ZNF324B: variants seen among roughly 807,000 people sequenced by gnomAD.
The protein encoded by ZNF324B is zinc finger protein 324B.
In ZNF324B, 7 loss-of-function variants were observed where a neutral mutation model predicts 10.6. The observed-to-expected ratio is 0.66, with a 90% CI of 0.38 to 1.24. ZNF324B has a LOEUF of 1.24. Ranked by LOEUF, ZNF324B falls within the 50% of genes most tolerant of loss-of-function variation. ZNF324B has a pLI of 0.02. For missense variants in ZNF324B, 640 were observed against 764.7 expected (o/e 0.84, Z 1.92); for synonymous variants, 316 against 321.0 (o/e 0.98, Z 0.17).
the ZNF324B span, chr19:58,436,921 C>G: frequency 7.7e-7 from 1 of 1,305,484 alleles, no homozygotes. Flanking sequence ...AGCACCCCAG[C>G]ACCTACAACA....
the ZNF324B span, chr19:58,445,212 C>G: frequency 2.0e-5 from 6 of 304,124 alleles, no homozygotes; most frequent in Admixed American, 1.0e-4. Context: ...CCTCATCCTG[C>G]AGAATTCTCA....
the ZNF324B span, among the ~76,000 whole-genome samples, chr19:58,424,153 G>A: frequency 6.6e-6 from 1 of 152,102 alleles, no homozygotes; most frequent in Admixed American, 6.6e-5. Context: ...GGAGGCTAAG[G>A]CAGGAGAATA....
chr19:58,445,792 G>A, the ZNF324B span: 1 of 260,066 alleles, frequency 3.8e-6, no homozygotes, highest in Non-Finnish European at 7.5e-6. Context: ...CCCAGACTGG[G>A]TGACAGAGCA....
At chr19:58,427,434 CCTTCCTTCCTTT>C in the ZNF324B span, among the ~76,000 whole-genome samples, 10 of 31,324 alleles carry the variant, frequency 3.2e-4, no homozygotes, top group East Asian at 1.9e-3. Flanking sequence ...TTCCTTCCTT[CCTTCCTTCCTTT>C]CCTTTCCCTT....
At chr19:58,427,288 C>CT in the ZNF324B span, among the ~76,000 whole-genome samples, 1 of 79,728 alleles carries the variant, frequency 1.3e-5, no homozygotes, top group Non-Finnish European at 3.0e-5. Context: ...CCATGCCTGG[C>CT]TTTTTTCTTT....
chr19:58,434,445 T>C, the ZNF324B span: 1 of 1,614,134 alleles, frequency 6.2e-7, no homozygotes, highest in Admixed American at 1.7e-5. Context: ...GATGAACAAA[T>C]GTGAGTTTGT....
chr19:58,456,551 G>A lies in ZNF324B; in HGVS notation c.1607G>A (p.Ser536Asn). 6.2e-7 allele frequency: 1 copy of A among 1,614,096 alleles called. No individual in the cohort carries two copies. Among genetic ancestry groups the A allele is most frequent in the Non-Finnish European group, 8.5e-7 (1 of 1,179,980 alleles). The part of the protein sequence containing the change: ...HRKVRRGGKP[S>N]PVLKPAKV The stretch of plus-strand genomic sequence containing the variant: ...AAGGTGCGCCGGGGAGGGAAGCCAA[G>A]CCCAGTCCTGAAGCCAGCGAAGGTC... Residue 536 changes from serine to asparagine, a missense_variant, in exon 4 of 4, where the codon AGC becomes AAC. Ser to Asn is a conservative substitution (Grantham distance 46). This residue lies in a region of ZNF324B where 238 missense variants were observed against 258.0 expected (regional missense o/e 0.92). Transcript: ENST00000336614. This position sits in a 1 kb window ranked among gnomAD's most constrained non-coding sequence, Gnocchi z 4.7.
chr19:58,438,834 G>C, the ZNF324B span, among the ~76,000 whole-genome samples: 2 of 151,214 alleles, frequency 1.3e-5, no homozygotes, highest in African/African-American at 4.9e-5. Context: ...GCAGTGGCAC[G>C]ATCTCAGCTC....
In ZNF324B at chr19:58,455,760, C is replaced by T. The variant is rs1295586589; in HGVS notation, c.816C>T (p.Leu272=). ...CSKVFVKSSD[L]LKHLRTHTGE... ...AAGTGTTCGTGAAGAGCTCCGACCTCCTCAAGCACCTACGCACCCACACCG... is the reference window on the plus strand; with the variant it reads ...AAGTGTTCGTGAAGAGCTCCGACCTTCTCAAGCACCTACGCACCCACACCG... Residue 272 remains leucine, a synonymous_variant, in exon 4 of 4, where the codon CTC becomes CTT. Transcript: ENST00000336614. The surrounding 1 kb of genome is among the most constrained non-coding windows in gnomAD (Gnocchi z 7.0). The T allele has an allele frequency of 5.6e-6, 9 of 1,614,042 alleles. No individual in the cohort carries two copies. Among genetic ancestry groups the T allele is most frequent in the Non-Finnish European group, 7.6e-6 (9 of 1,180,020 alleles).
At position 58,453,640 on chromosome 19, in the gene ZNF324B, C is replaced by T. The variant is rs1459829608; in HGVS notation, c.-6-56C>T. 8.7e-6 allele frequency: 14 copies of T among 1,613,212 alleles called. No individual in the cohort carries two copies. The South Asian group carries it at 1.1e-4, about 13-fold the overall frequency. The stretch of plus-strand genomic sequence containing the variant: ...TGACTGTTGGGATGGGGAGCTTGGT[C>T]CTGGCTCACAGCCATACCTTAGACC... On this transcript the variant is annotated intron_variant, in intron 1 of 3. Coordinates refer to ENST00000336614, the MANE Select transcript of ZNF324B (RefSeq NM_207395.3).
rs2122379531 is a variant in ZNF324B, at chr19:58,457,404, T to C, written c.*825T>C. 1 of 152,592 alleles carries C rather than the reference T, an allele frequency of 6.6e-6. No individual in the cohort carries two copies. Among genetic ancestry groups the C allele is most frequent in the East Asian group, 1.9e-4 (1 of 5,182 alleles). 9.5% of individuals were successfully genotyped at this position (152,592 alleles called of 1,614,324 possible). ...TTGGCCAAGGCCTGTCGCTCACTCA[T>C]TTACAAAAGTCGATGTGAGGAGGAG... On this transcript the variant is annotated 3_prime_UTR_variant, in exon 4 of 4. Transcript: ENST00000336614.
chr19:58,439,978 C>T, the ZNF324B span: 2 of 697,626 alleles, frequency 2.9e-6, no homozygotes, highest in African/African-American at 1.9e-5. Context: ...CCTGGAGACG[C>T]GTGGCGCTGG....
chr19:58,427,734 C>A, the ZNF324B span, among the ~76,000 whole-genome samples: 1 of 151,692 alleles, frequency 6.6e-6, no homozygotes, highest in East Asian at 2.0e-4. Flanking sequence ...TAGCTCACTG[C>A]AGTCTTGAAC....
chr19:58,435,343 C>T, the ZNF324B span: 21 of 1,037,456 alleles, frequency 2.0e-5, no homozygotes, highest in South Asian at 3.3e-4. Context: ...ACAGGGCCAT[C>T]ATCAGGGTGA....
the ZNF324B span, among the ~76,000 whole-genome samples, chr19:58,431,378 G>A: frequency 6.6e-6 from 1 of 152,202 alleles, no homozygotes; most frequent in Non-Finnish European, 1.5e-5. Flanking sequence ...TAGGACAGAT[G>A]TGGAAGCAGC....
At chr19:58,449,588 G>A (rs751090098), upstream of ZNF324B, among the ~76,000 whole-genome samples, 2 of 152,238 alleles carry the variant, frequency 1.3e-5, no homozygotes, top group Non-Finnish European at 2.9e-5. Context: ...GGAACCCACT[G>A]CTTGTATCAG....
chr19:58,449,878 T>C (rs1404788381), upstream of ZNF324B, among the ~76,000 whole-genome samples: 1 of 152,136 alleles, frequency 6.6e-6, no homozygotes, highest in African/African-American at 2.4e-5. Flanking sequence ...CTGAAATAAG[T>C]AGACTTTGGG....
intron 3 of ZNF324B, 136 bp downstream of exon 3, chr19:58,454,480 C>T: frequency 1.5e-6 from 1 of 653,008 alleles, no homozygotes. Context: ...ATCAGCCTCT[C>T]CTGGAGGCTG....
chr19:58,431,994 C>CA, the ZNF324B span, among the ~76,000 whole-genome samples: 5,361 of 147,194 alleles, frequency 0.036, 299 homozygotes, highest in African/African-American at 0.12. Flanking sequence ...GACTCCATAT[C>CA]AAAAAAAAAA....
Sources: allele counts gnomAD v4.1 joint callset (sites outside exome capture counted in the v4.1 genomes callset), GRCh38; gene constraint gnomAD v4.1.1; regional missense constraint gnomAD v4.1.1; non-coding constraint Gnocchi (gnomAD v3.1); transcripts MANE v1.5; gene names NCBI Gene and HGNC (gene_info 2026-07-23, HGNC 2026-07-21).